The following ESR1 variants were observed in gnomAD, a reference collection of about 807,000 sequenced individuals.
ESR1 encodes the protein estrogen receptor 1, also known as estrogen receptor.
ESR1 carries 12 observed loss-of-function variants against 52.7 expected under a neutral mutation model. The ratio of observed to expected loss-of-function variants is 0.23; its 90% confidence interval spans 0.15 to 0.37. The LOEUF (loss-of-function observed/expected upper bound fraction) is 0.37. ESR1 is among the 10% of genes least tolerant of loss of function. ESR1 has a pLI of 1.00. For missense variants in ESR1, 584 were observed against 779.7 expected, an observed-to-expected ratio of 0.75 and a Z score of 2.99; for synonymous variants, 305 against 316.8, an observed-to-expected ratio of 0.96 and a Z score of 0.39.
At chr6:151,784,087 T>G (rs1274116708) in intron 2 of ESR1, among the ~76,000 whole-genome samples, 1 of 152,218 alleles carries the variant, frequency 6.6e-6, no homozygotes, top group Non-Finnish European at 1.5e-5. Flanking sequence ...GCTGGGGTAG[T>G]ATTTGTCTAG....
chr6:152,050,173 A>T (rs1296825769), intron 5 of ESR1, among the ~76,000 whole-genome samples: 1 of 152,218 alleles, frequency 6.6e-6, no homozygotes, highest in African/African-American at 2.4e-5. Context: ...TCCTGCAATC[A>T]TACTTCCCAG....
At chr6:151,697,273 G>T (rs1212330481) in intron 1 of ESR1, among the ~76,000 whole-genome samples, 1 of 152,176 alleles carries the variant, frequency 6.6e-6, no homozygotes, top group Non-Finnish European at 1.5e-5. Flanking sequence ...TTGCAATCAT[G>T]ATTGTTTATG....
At chr6:151,709,232 A>G (rs1272903083) in intron 2 of ESR1, among the ~76,000 whole-genome samples, 1 of 151,906 alleles carries the variant, frequency 6.6e-6, no homozygotes, top group African/African-American at 2.4e-5. Flanking sequence ...ATCTTTTGGT[A>G]TTTGTCTTTC....
chr6:151,701,974 G>A (rs1427228377), exon 2 of ESR1: 1 of 152,206 alleles, frequency 6.6e-6, no homozygotes, highest in African/African-American at 2.4e-5. Context: ...AAAGGATGTA[G>A]ATTTTAATCT....
rs1458400461 is a variant in ESR1 at position 152,042,164 on chromosome 6, C to G, written c.1236-18827C>G. On this transcript the variant is annotated intron_variant, in intron 5 of 7. Transcript: ENST00000206249. ...TAGGTAGAGGCAGCTGTAATGGCTT[C>G]CATTTGGCCTTTCCCACCATAATAG... Among the ~76,000 whole-genome samples, 3 of 152,118 alleles carry G rather than the reference C, an allele frequency of 2.0e-5. No homozygotes were observed. The South Asian group carries it at 6.2e-4, about 32-fold the overall frequency.
chr6:152,043,719 T>C (rs999955660), intron 5 of ESR1, among the ~76,000 whole-genome samples: 1 of 152,136 alleles, frequency 6.6e-6, no homozygotes, highest in Non-Finnish European at 1.5e-5. Context: ...CTGTTGCCTG[T>C]TTCCTCTGGT....
At chr6:152,082,197 G>A (rs531360625) in intron 6 of ESR1, among the ~76,000 whole-genome samples, 10 of 152,198 alleles carry the variant, frequency 6.6e-5, no homozygotes, top group Admixed American at 2.6e-4. Flanking sequence ...GATGAACATC[G>A]ATGTGAAAAT....
intron 1 of ESR1, among the ~76,000 whole-genome samples, chr6:151,676,040 G>A (rs1778239544): frequency 6.6e-6 from 1 of 152,200 alleles, no homozygotes; most frequent in Non-Finnish European, 1.5e-5. Context: ...TCTGAGAAGG[G>A]AGGAAAGCAA....
At chr6:151,876,448 C>G (rs936389560) in intron 2 of ESR1, among the ~76,000 whole-genome samples, 4 of 152,184 alleles carry the variant, frequency 2.6e-5, no homozygotes, top group Non-Finnish European at 4.4e-5. Flanking sequence ...TATTGGCTTT[C>G]TCTCAGGCAA....
intron 2 of ESR1, among the ~76,000 whole-genome samples, chr6:151,776,137 G>A (rs961924250): frequency 3.3e-5 from 5 of 152,136 alleles, no homozygotes; most frequent in African/African-American, 1.2e-4. Flanking sequence ...AAAGAGGCTG[G>A]GTCAGAGGGG....
chr6:151,743,229 G>A (rs1253480354), intron 2 of ESR1, among the ~76,000 whole-genome samples: 1 of 152,074 alleles, frequency 6.6e-6, no homozygotes, highest in Admixed American at 6.5e-5. Context: ...GGGAGGGGAG[G>A]TACCTGCAAG....
chr6:151,738,659 A>G (rs1435116705), intron 2 of ESR1, among the ~76,000 whole-genome samples: 3 of 152,204 alleles, frequency 2.0e-5, no homozygotes, highest in East Asian at 1.9e-4. Context: ...CACATATTCT[A>G]TAAGAGCAAT....
intron 3 of ESR1, among the ~76,000 whole-genome samples, chr6:151,943,450 A>G (rs1369209632): frequency 6.6e-6 from 1 of 151,898 alleles, no homozygotes; most frequent in African/African-American, 2.4e-5. Context: ...AATAAAACAA[A>G]CTCTTTTTAG....
At chr6:151,682,152 C>T (rs753038795) in intron 1 of ESR1, among the ~76,000 whole-genome samples, 1 of 152,188 alleles carries the variant, frequency 6.6e-6, no homozygotes, top group Non-Finnish European at 1.5e-5. Context: ...TGATTATTTT[C>T]CCATGCCCAA....
chr6:151,975,034 A>G (rs2128648598), intron 4 of ESR1, among the ~76,000 whole-genome samples: 1 of 152,286 alleles, frequency 6.6e-6, no homozygotes, highest in East Asian at 1.9e-4. Flanking sequence ...CTGGGTGGAA[A>G]TGGGGTAGCT....
At chr6:151,716,892 T>C (rs997371308) in intron 2 of ESR1, among the ~76,000 whole-genome samples, 1 of 152,072 alleles carries the variant, frequency 6.6e-6, no homozygotes, top group Non-Finnish European at 1.5e-5. Flanking sequence ...AAACAAAAAC[T>C]CCTGTAGCTA....
At position 152,011,689 on chromosome 6, in the gene ESR1, A is replaced by G. The variant is rs2042779978; in HGVS notation, c.1130A>G (p.His377Arg). 1 of 1,613,108 alleles carries G rather than the reference A, an allele frequency of 6.2e-7. No individual in the cohort carries two copies. Among genetic ancestry groups the G allele is most frequent in the Non-Finnish European group, 8.5e-7 (1 of 1,179,544 alleles). ...GATTTGACCCTCCATGATCAGGTCCACCTTCTAGAATGTGCCTGGCTAGAG... is the reference window on the plus strand; with the variant it reads ...GATTTGACCCTCCATGATCAGGTCCGCCTTCTAGAATGTGCCTGGCTAGAG... ...FVDLTLHDQV[H>R]LLECAWLEIL... The change falls in exon 5 of 8, where the codon CAC becomes CGC. Residue 377 changes from histidine to arginine, a missense_variant. This residue lies in a region of ESR1 where 141 missense variants were observed against 289.3 expected (regional missense o/e 0.49). Transcript: ENST00000206249.
intron 2 of ESR1, among the ~76,000 whole-genome samples, chr6:151,868,338 G>C (rs752231407): frequency 6.6e-6 from 1 of 152,106 alleles, no homozygotes; most frequent in Non-Finnish European, 1.5e-5. Context: ...ATATTGGCCA[G>C]GCTGGTTTTG....
intron 4 of ESR1, among the ~76,000 whole-genome samples, chr6:151,952,690 A>G (rs563279565): frequency 1.3e-5 from 2 of 152,184 alleles, no homozygotes; most frequent in Non-Finnish European, 2.9e-5. Context: ...TGTTTCCTTC[A>G]TGGTATATTT....
Sources: allele counts gnomAD v4.1 joint callset (sites outside exome capture counted in the v4.1 genomes callset), GRCh38; gene constraint gnomAD v4.1.1; regional missense constraint gnomAD v4.1.1; transcripts MANE v1.5; gene names NCBI Gene and HGNC (gene_info 2026-07-23, HGNC 2026-07-21).